SPTLC2: variants seen among roughly 807,000 people sequenced by gnomAD.
The protein encoded by SPTLC2 is serine palmitoyltransferase 2.
In SPTLC2, 21 loss-of-function variants were observed where a neutral mutation model predicts 62.0. The observed-to-expected ratio is 0.34, with a 90% CI of 0.24 to 0.49. The LOEUF is 0.49. Ranked by LOEUF, SPTLC2 falls within the 20% of genes least tolerant of loss-of-function variation. The pLI is 0.99. For missense variants in SPTLC2, 511 were observed against 713.0 expected (o/e 0.72, Z 3.23); for synonymous variants, 261 against 261.8 (o/e 1.00, Z 0.03).
Position 77,562,407 on chromosome 14 carries a change from A to C in SPTLC2, c.839T>G (p.Phe280Cys), listed in dbSNP as rs749037445. Residue 280 changes from phenylalanine (F) to cysteine (C), a missense_variant, in exon 6 of 12, where the codon TTC becomes TGC. Transcript: ENST00000216484. ...ARLSGATIRIFKHNNMQSLEK... is the reference protein window; with the variant it reads ...ARLSGATIRICKHNNMQSLEK... ...TTCAGCAAACTCACTGTTGTGTTTG[A>C]AGATTCTAATGGTTGCTCCTGACAG... 10 of 1,614,178 alleles carry C rather than the reference A, an allele frequency of 6.2e-6. No homozygotes were observed. In the South Asian group the frequency reaches 1.1e-4, roughly 18 times the overall value.
In SPTLC2 at chr14:77,510,794, C is replaced by G. The variant is rs1282672340; in HGVS notation, c.*1490G>C. The G allele has an allele frequency of 2.6e-5, 4 of 152,542 alleles. No homozygotes were observed. Among genetic ancestry groups the G allele is most frequent in the Non-Finnish European group, 4.4e-5 (3 of 68,046 alleles). 9.4% of individuals were successfully genotyped at this position (152,542 alleles called of 1,614,324 possible). On this transcript the variant is annotated 3_prime_UTR_variant, in exon 12 of 12. Coordinates refer to ENST00000216484, the MANE Select transcript of SPTLC2 (RefSeq NM_004863.4). ...CGGCCTGTAACATGACTTTCATACA[C>G]TGTTTTTCCATTCTGTTCCCAATCC... is the stretch of plus-strand genomic sequence containing the variant.
chr14:77,610,564 G>A (rs1799727490), intron 1 of SPTLC2, among the ~76,000 whole-genome samples: 1 of 152,162 alleles, frequency 6.6e-6, no homozygotes. Flanking sequence ...GGGATTACAG[G>A]TATGAGCCAC....
rs1164824967 is a variant in SPTLC2 at position 77,616,536 on chromosome 14, C to G, written c.44G>C (p.Arg15Pro). The change falls in exon 1 of 12, where the codon CGG becomes CCG. Residue 15 changes from arginine (R) to proline (P), a missense_variant. Arg to Pro is a moderately radical substitution (Grantham distance 103, BLOSUM62 -2). Coordinates refer to ENST00000216484, the MANE Select transcript of SPTLC2 (RefSeq NM_004863.4). ...PGGCCCRRTV[R>P]ANGCVANGEV... ...CCCGTTCGCCACGCAGCCATTCGCCCGCACCGTGCGGCGGCAGCAGCAGCC... is the reference window on the plus strand; with the variant it reads ...CCCGTTCGCCACGCAGCCATTCGCCGGCACCGTGCGGCGGCAGCAGCAGCC... 4 of 1,535,666 alleles carry G rather than the reference C, an allele frequency of 2.6e-6. No homozygotes were observed. The highest frequency in any genetic ancestry group is 3.5e-6 in the Non-Finnish European group (4 of 1,146,524).
chr14:77,572,761 T>C (rs1440481839), intron 4 of SPTLC2, among the ~76,000 whole-genome samples: 2 of 152,232 alleles, frequency 1.3e-5, no homozygotes, highest in African/African-American at 2.4e-5. Flanking sequence ...CTTGCACTTT[T>C]ATGTTGTGGG....
At chr14:77,523,148 A>C (rs1566768070) in intron 9 of SPTLC2, among the ~76,000 whole-genome samples, 1 of 152,204 alleles carries the variant, frequency 6.6e-6, no homozygotes, top group Non-Finnish European at 1.5e-5. Flanking sequence ...AAGTCCCCTA[A>C]CTTCCCCCTA....
intron 4 of SPTLC2, among the ~76,000 whole-genome samples, chr14:77,574,405 A>G (rs2079702007): frequency 6.6e-6 from 1 of 152,254 alleles, no homozygotes; most frequent in Non-Finnish European, 1.5e-5. Context: ...AGAGATTGTA[A>G]AACAGTACGG....
intron 9 of SPTLC2, among the ~76,000 whole-genome samples, chr14:77,546,178 GT>G (rs1752155888): frequency 6.6e-6 from 1 of 152,214 alleles, no homozygotes; most frequent in Non-Finnish European, 1.5e-5. Flanking sequence ...CTACATTCTA[GT>G]TGGAGACAAG....
At position 77,506,317 on chromosome 14, in the gene SPTLC2, T is replaced by G. The variant is rs1005496178; in HGVS notation, c.*5967A>C. ...ACATTACAGCAATAGAAAGGGGTTA[T>G]CATCACAGCATCCCCTTGCAAATTC... On this transcript the variant is annotated 3_prime_UTR_variant, in exon 12 of 12. Transcript: ENST00000216484. The G allele has an allele frequency of 6.6e-6, 1 of 152,240 alleles. No individual in the cohort carries two copies. Among genetic ancestry groups the G allele is most frequent in the Non-Finnish European group, 1.5e-5 (1 of 68,042 alleles). The allele number at this position is 152,240 out of a possible 1,614,324, so 9.4% of individuals were successfully genotyped here. A position where few individuals can be genotyped will look rare whatever the true frequency, so the allele number is the denominator to read the frequency against.
At chr14:77,543,313 A>G (rs1261726634) in intron 9 of SPTLC2, among the ~76,000 whole-genome samples, 6 of 152,200 alleles carry the variant, frequency 3.9e-5, no homozygotes, top group Non-Finnish European at 8.8e-5. Context: ...TTGGCCTCAG[A>G]AAGTCTTAAT....
chr14:77,579,823 TAA>T (rs2079737973), intron 2 of SPTLC2, among the ~76,000 whole-genome samples: 1 of 152,328 alleles, frequency 6.6e-6, no homozygotes, highest in South Asian at 2.1e-4. Flanking sequence ...TCTTATCAGA[TAA>T]AAGTCACTTA....
intron 9 of SPTLC2, chr14:77,535,981 A>G (rs138830739): frequency 8.8e-6 from 4 of 455,362 alleles, no homozygotes; most frequent in East Asian, 7.0e-5. Flanking sequence ...TGTTTGGACA[A>G]CTTCATGAAT....
rs751824606 is a variant in SPTLC2 at position 77,512,233 on chromosome 14, ACAGGCTGTCCTGGGT to A, written c.*36_*50del. On this transcript the variant is annotated 3_prime_UTR_variant, in exon 12 of 12. Transcript: ENST00000216484. ...TTCCTGGAACTGGCTCACAAAGGCC[ACAGGCTGTCCTGGGT>A]GAGGGAGAGTTCCTCTGAGGGAGCA... The A allele has an allele frequency of 6.2e-7, 1 of 1,612,276 alleles. No homozygotes were observed. The highest frequency in any genetic ancestry group is 8.5e-7 in the Non-Finnish European group (1 of 1,179,822).
Position 77,579,023 on chromosome 14 carries a change from G to C in SPTLC2, c.414C>G (p.Ile138Met), listed in dbSNP as rs1364157223. Reference protein sequence around the residue: ...MRIRDNWNRPICSVPGARVDI... With the variant: ...MRIRDNWNRPMCSVPGARVDI... ...CCACCCTGGCTCCAGGCACACTACA[G>C]ATTGGCCGATTCCAGTTGTCTCTTA... is the stretch of plus-strand genomic sequence containing the variant. The change falls in exon 3 of 12, where the codon ATC (isoleucine) becomes ATG (methionine). Residue 138 changes from isoleucine (I) to methionine (M), a missense_variant. Physicochemically the swap from Ile to Met is conservative, Grantham distance 10 (BLOSUM62 1). Transcript: ENST00000216484. The C allele has an allele frequency of 1.2e-6, 2 of 1,614,080 alleles. No individual in the cohort carries two copies. The highest frequency in any genetic ancestry group is 1.7e-6 in the Non-Finnish European group (2 of 1,180,016).
At chr14:77,543,810 G>A (rs188536441) in intron 9 of SPTLC2, among the ~76,000 whole-genome samples, 152 of 152,248 alleles carry the variant, frequency 1.0e-3, no homozygotes, top group African/African-American at 3.5e-3. Flanking sequence ...GTTCAGAAGG[G>A]AGTGTCAGCA....
chr14:77,512,321 G>A lies in SPTLC2; in HGVS notation c.1652C>T (p.Pro551Leu). 6.2e-7 allele frequency: 1 copy of A among 1,614,170 alleles called. No homozygotes were observed. Among genetic ancestry groups the A allele is most frequent in the Non-Finnish European group, 8.5e-7 (1 of 1,180,038 alleles). ...TTCTTCATACGTCGTCTCGTCAAAG[G>A]GCCTGTCCAGTAGAGGTACCAACCG... Reference protein sequence around the residue: ...RHRLVPLLDRPFDETTYEETE... With the variant: ...RHRLVPLLDRLFDETTYEETE... Residue 551 changes from proline to leucine, a missense_variant, in exon 12 of 12, where the codon CCC becomes CTC. Pro to Leu is a moderately conservative substitution (Grantham distance 98, BLOSUM62 -3). Transcript: ENST00000216484.
At position 77,586,143 on chromosome 14, in the gene SPTLC2, T is replaced by G. The variant is rs149271129; in HGVS notation, c.328-7034A>C. Among the ~76,000 whole-genome samples the G allele has an allele frequency of 2.6e-5, 4 of 151,042 alleles. No homozygotes were observed. In the East Asian group the frequency reaches 7.8e-4, roughly 29 times the overall value. On this transcript the variant is annotated intron_variant, in intron 2 of 11. Coordinates refer to ENST00000216484, the MANE Select transcript of SPTLC2 (RefSeq NM_004863.4). ...CAGGCTGGAGTGCAGTGACGCAATC[T>G]AGACTCACTGCAACATTCGCCTCCT...
At chr14:77,542,614 G>A (rs1030039438) in intron 9 of SPTLC2, among the ~76,000 whole-genome samples, 31 of 152,094 alleles carry the variant, frequency 2.0e-4, no homozygotes, top group African/African-American at 6.5e-4. Context: ...CTCAGCCGGG[G>A]CCACTGTCAA....
At chr14:77,604,487 C>A (rs1365501188) in intron 1 of SPTLC2, among the ~76,000 whole-genome samples, 2 of 152,282 alleles carry the variant, frequency 1.3e-5, no homozygotes, top group African/African-American at 2.4e-5. Flanking sequence ...ATATTAAAAT[C>A]TCTTAGAATT....
At chr14:77,605,938 T>C (rs1193054450) in intron 1 of SPTLC2, among the ~76,000 whole-genome samples, 2 of 152,250 alleles carry the variant, frequency 1.3e-5, no homozygotes, top group South Asian at 2.1e-4. Context: ...GTTGTTTGGA[T>C]AGAGGTGTTT....
Sources: allele counts gnomAD v4.1 joint callset (sites outside exome capture counted in the v4.1 genomes callset), GRCh38; gene constraint gnomAD v4.1.1; transcripts MANE v1.5; gene names NCBI Gene and HGNC (gene_info 2026-07-23, HGNC 2026-07-21).